FILIP1: variants seen among roughly 807,000 people sequenced by gnomAD.
FILIP1 encodes filamin A interacting protein 1, also known as filamin-A-interacting protein 1.
FILIP1 carries 61 observed loss-of-function variants against 102.1 expected under a neutral mutation model. The ratio of observed to expected loss-of-function variants is 0.60; its 90% confidence interval spans 0.49 to 0.74. FILIP1 has a LOEUF of 0.74. FILIP1 is among the 30% of genes least tolerant of loss of function. The pLI is 0.00. For missense variants in FILIP1, 1,314 were observed against 1,441.2 expected, an observed-to-expected ratio of 0.91 and a Z score of 1.43; for synonymous variants, 491 against 526.9, an observed-to-expected ratio of 0.93 and a Z score of 0.93.
At chr6:75,392,445 T>G (rs779616579) in intron 2 of FILIP1, among the ~76,000 whole-genome samples, 2 of 152,128 alleles carry the variant, frequency 1.3e-5, no homozygotes, top group East Asian at 3.8e-4. Flanking sequence ...CAAAACTATA[T>G]TTCTAGTTTC....
In FILIP1 at chr6:75,493,730, T is replaced by C. The variant is rs1468060195; in HGVS notation, c.-323A>G. 1 of 152,152 alleles carries C rather than the reference T, an allele frequency of 6.6e-6. No homozygotes were observed. The highest frequency in any genetic ancestry group is 1.5e-5 in the Non-Finnish European group (1 of 68,034). 9.4% of individuals were successfully genotyped at this position (152,152 alleles called of 1,614,324 possible). ...AAGTTTTTTCTACTGTTGCTAGGTG[T>C]TGTTGGGTTCGGAGATTAGGTTTCT... On this transcript the variant is annotated 5_prime_UTR_variant, in exon 1 of 6. Transcript: ENST00000237172.
intron 4 of FILIP1, among the ~76,000 whole-genome samples, chr6:75,340,195 T>C (rs942420614): frequency 2.6e-5 from 4 of 152,160 alleles, no homozygotes; most frequent in African/African-American, 9.7e-5. Flanking sequence ...TTTCCAGCTA[T>C]GTATTTCATA....
chr6:75,468,115 CA>C (rs1415581796), intron 1 of FILIP1, among the ~76,000 whole-genome samples: 2 of 152,120 alleles, frequency 1.3e-5, no homozygotes, highest in African/African-American at 4.8e-5. Flanking sequence ...TCTGTGACGC[CA>C]GGGGCATCCT....
chr6:75,477,862 C>T (rs1779530564), intron 1 of FILIP1, among the ~76,000 whole-genome samples: 1 of 152,132 alleles, frequency 6.6e-6, no homozygotes, highest in African/African-American at 2.4e-5. Context: ...ATTGGCTAGA[C>T]TGTTTAAAGA....
At chr6:75,401,106 A>G (rs1776642089) in intron 2 of FILIP1, among the ~76,000 whole-genome samples, 1 of 152,168 alleles carries the variant, frequency 6.6e-6, no homozygotes, top group Non-Finnish European at 1.5e-5. Flanking sequence ...CAAACTTGTC[A>G]AAAGTGAAGT....
chr6:75,477,885 A>G (rs2149773702), intron 1 of FILIP1, among the ~76,000 whole-genome samples: 1 of 152,374 alleles, frequency 6.6e-6, no homozygotes. Context: ...AGGGGGCTAC[A>G]AATGGACAAT....
intron 2 of FILIP1, among the ~76,000 whole-genome samples, chr6:75,366,686 T>C (rs1056899374): frequency 2.0e-5 from 3 of 152,190 alleles, no homozygotes; most frequent in Admixed American, 6.5e-5. Context: ...ATGGTTTCTG[T>C]TAGGTCTCCA....
intron 2 of FILIP1, among the ~76,000 whole-genome samples, chr6:75,413,335 G>T (rs923689966): frequency 6.6e-6 from 1 of 152,144 alleles, no homozygotes; most frequent in Non-Finnish European, 1.5e-5. Flanking sequence ...CACAACCAAT[G>T]TTAATAGACA....
Position 75,314,385 on chromosome 6 carries a change from A to T in FILIP1, c.1447T>A (p.Ser483Thr). The T allele has an allele frequency of 6.5e-7, 1 of 1,529,152 alleles. No homozygotes were observed. Among genetic ancestry groups the T allele is most frequent in the African/African-American group, 1.4e-5 (1 of 71,840 alleles). 94.7% of individuals were successfully genotyped at this position (1,529,152 alleles called of 1,614,324 possible). ...VKSRVKELEC[S>T]ESRLEKAELS... ...TCAGCCTTTTCCAATCTACTTTCAG[A>T]ACATTCCAATTCTTTAACTCGACTC... Residue 483 changes from serine to threonine, a missense_variant, in exon 5 of 6, where the codon TCT becomes ACT. This residue lies in a region of FILIP1 where 816 missense variants were observed against 913.1 expected (regional missense o/e 0.89). Coordinates refer to ENST00000237172, the MANE Select transcript of FILIP1 (RefSeq NM_015687.5).
At position 75,367,328 on chromosome 6, in the gene FILIP1, A is replaced by T. The variant is rs184774787; in HGVS notation, c.277-4411T>A. On this transcript the variant is annotated intron_variant, in intron 2 of 5. Coordinates refer to ENST00000237172, the MANE Select transcript of FILIP1 (RefSeq NM_015687.5). ...CTATAAACTTACTAAAGGCTCTTTA[A>T]TTGTATAGTAATAATCATGGAAAGA... 3.9e-5 allele frequency: 6 copies of T among 152,330 alleles called. No individual in the cohort carries two copies. In the East Asian group the frequency reaches 1.2e-3, roughly 29 times the overall value. The allele number at this position is 152,330 out of a possible 1,614,324, so 9.4% of individuals were successfully genotyped here. A position where few individuals can be genotyped will look rare whatever the true frequency, so the allele number is the denominator to read the frequency against.
intron 6 of FILIP1, among the ~76,000 whole-genome samples, chr6:75,301,084 G>A (rs1345031561): frequency 3.9e-5 from 6 of 152,124 alleles, no homozygotes; most frequent in Non-Finnish European, 8.8e-5. Context: ...AACACAGATG[G>A]TAAATACCTA....
chr6:75,376,592 AG>A (rs200457378), intron 2 of FILIP1, among the ~76,000 whole-genome samples: 1,875 of 152,312 alleles, frequency 0.012, 43 homozygotes, highest in African/African-American at 0.042. Flanking sequence ...GCCCAATGAA[AG>A]GCAATTTCCT....
chr6:75,334,963 G>A (rs908809857), intron 4 of FILIP1, among the ~76,000 whole-genome samples: 2 of 152,110 alleles, frequency 1.3e-5, no homozygotes, highest in South Asian at 2.1e-4. Context: ...TGGGAATTAC[G>A]CTCCACACTA....
At chr6:75,366,861 A>G in intron 2 of FILIP1, among the ~76,000 whole-genome samples, 1 of 152,220 alleles carries the variant, frequency 6.6e-6, no homozygotes, top group East Asian at 1.9e-4. Context: ...AAATCAGAGC[A>G]GTCTCTCCAA....
At chr6:75,373,943 A>G (rs1421832095) in intron 2 of FILIP1, among the ~76,000 whole-genome samples, 1 of 152,196 alleles carries the variant, frequency 6.6e-6, no homozygotes, top group African/African-American at 2.4e-5. Context: ...CAGGAGGTAG[A>G]ACACATCACT....
chr6:75,335,111 T>C (rs1020661874), intron 4 of FILIP1, among the ~76,000 whole-genome samples: 1 of 152,142 alleles, frequency 6.6e-6, no homozygotes, highest in African/African-American at 2.4e-5. Context: ...CAGCACATAC[T>C]GGAATTTAAA....
downstream of FILIP1, among the ~76,000 whole-genome samples, chr6:75,304,892 T>C (rs1240113358): frequency 2.0e-5 from 3 of 152,186 alleles, no homozygotes; most frequent in East Asian, 5.8e-4. Flanking sequence ...TGAATTTCTT[T>C]ATTAAAAATA....
At chr6:75,430,039 T>C (rs1043453592) in intron 1 of FILIP1, among the ~76,000 whole-genome samples, 6 of 152,260 alleles carry the variant, frequency 3.9e-5, no homozygotes, top group African/African-American at 1.4e-4. Context: ...AATCCCCAAG[T>C]GTTGAGAGAG....
intron 6 of FILIP1, among the ~76,000 whole-genome samples, chr6:75,300,174 C>G (rs1772797852): frequency 1.3e-5 from 2 of 152,210 alleles, no homozygotes; most frequent in African/African-American, 2.4e-5. Flanking sequence ...ACTTTAATAG[C>G]TAGCCTCTAA....
Sources: gnomAD v4.1 joint callset for allele counts (sites outside exome capture counted in the v4.1 genomes callset) on GRCh38, gnomAD v4.1.1 for gene constraint, gnomAD v4.1.1 regional missense constraint, MANE v1.5 for transcripts, NCBI Gene and HGNC (gene_info 2026-07-23, HGNC 2026-07-21) for gene names.